The following UNC13C variants were observed in gnomAD, a reference collection of about 807,000 sequenced individuals.
UNC13C encodes the protein unc-13 homolog C.
Under a neutral mutation model 245.4 loss-of-function variants are expected in UNC13C, and 174 were observed. That is an observed-to-expected ratio of 0.71 (90% CI 0.63 to 0.80). The LOEUF (loss-of-function observed/expected upper bound fraction) is 0.80. Ranked by LOEUF, UNC13C falls within the 30% of genes least tolerant of loss-of-function variation. The pLI, the probability that UNC13C is intolerant of heterozygous loss-of-function variation, is 0.00. For synonymous variants in UNC13C, 992 were observed against 895.1 expected (o/e 1.11, Z -1.93); for missense variants, 2,829 against 2,602.9 (o/e 1.09, Z -1.89).
chr15:54,548,152 A>G (rs1896568720), intron 27 of UNC13C, among the ~76,000 whole-genome samples: 1 of 139,774 alleles, frequency 7.2e-6, no homozygotes, highest in Non-Finnish European at 1.5e-5. Flanking sequence ...TTGCGTGAGC[A>G]TTGTCTCAGC....
chr15:54,064,685 G>A (rs1355295006), intron 2 of UNC13C, among the ~76,000 whole-genome samples: 6 of 152,156 alleles, frequency 3.9e-5, no homozygotes, highest in Non-Finnish European at 8.8e-5. Flanking sequence ...CAATCTATCA[G>A]CAGGAACCAC....
At chr15:54,236,018 T>TA (rs11465193) in intron 5 of UNC13C, among the ~76,000 whole-genome samples, 60,176 of 146,648 alleles carry the variant, frequency 0.41, 12,299 homozygotes, top group South Asian at 0.44. Flanking sequence ...CATTAGATTG[T>TA]AAAAAAAAAA....
chr15:53,875,674 T>C, the UNC13C span, among the ~76,000 whole-genome samples: 3 of 152,328 alleles, frequency 2.0e-5, no homozygotes, highest in East Asian at 5.8e-4. Flanking sequence ...AAGAAATTAA[T>C]GCTCCCTTTG....
At chr15:54,615,804 GACAATCTAACCAATTCTGTGGATTCCA>G (rs1900394654) in intron 30 of UNC13C, among the ~76,000 whole-genome samples, 1 of 151,946 alleles carries the variant, frequency 6.6e-6, no homozygotes, top group South Asian at 2.1e-4. Context: ...TCTCTTGTTT[GACAATCTAACCAATTCTGTGGATTCCA>G]AAAGACAAGC....
At chr15:54,603,557 G>A (rs1899572621) in intron 30 of UNC13C, among the ~76,000 whole-genome samples, 2 of 152,044 alleles carry the variant, frequency 1.3e-5, no homozygotes, top group Non-Finnish European at 2.9e-5. Flanking sequence ...ATTCACATGT[G>A]GATAGGAAAA....
chr15:53,877,330 A>T, the UNC13C span, among the ~76,000 whole-genome samples: 2 of 152,080 alleles, frequency 1.3e-5, no homozygotes, highest in Non-Finnish European at 2.9e-5. Context: ...CCAGCCCTTC[A>T]ATGCCATGTT....
intron 4 of UNC13C, among the ~76,000 whole-genome samples, chr15:54,213,126 T>C (rs1467330345): frequency 6.6e-6 from 1 of 152,064 alleles, no homozygotes; most frequent in African/African-American, 2.4e-5. Flanking sequence ...AATGTGTGTC[T>C]ATATGCTTGT....
At chr15:54,114,713 A>C (rs754510671) in intron 2 of UNC13C, among the ~76,000 whole-genome samples, 4 of 152,162 alleles carry the variant, frequency 2.6e-5, no homozygotes, top group Non-Finnish European at 5.9e-5. Flanking sequence ...CTAGAGGAAG[A>C]ATTTTGGGGC....
upstream of UNC13C, among the ~76,000 whole-genome samples, chr15:53,977,428 CAT>C (rs1313119569): frequency 6.6e-6 from 1 of 152,154 alleles, no homozygotes; most frequent in Non-Finnish European, 1.5e-5. Context: ...TCAGTCAAGA[CAT>C]ATTCATCCCT....
At chr15:53,845,230 C>T in the UNC13C span, among the ~76,000 whole-genome samples, 6 of 150,208 alleles carry the variant, frequency 4.0e-5, no homozygotes, top group African/African-American at 1.5e-4. Flanking sequence ...GAGGCTGAGG[C>T]AGGAGAATCA....
intron 19 of UNC13C, among the ~76,000 whole-genome samples, chr15:54,423,411 A>G (rs2040694042): frequency 6.6e-6 from 1 of 151,918 alleles, no homozygotes; most frequent in Admixed American, 6.6e-5. Context: ...TAAGTTTGCC[A>G]GTATAATACA....
intron 2 of UNC13C, among the ~76,000 whole-genome samples, chr15:54,038,124 A>ATAAATTTTTTTTTTTTTTTTTTT: frequency 2.2e-5 from 1 of 45,040 alleles, no homozygotes; most frequent in Admixed American, 5.0e-4. Context: ...ATATATATAT[A>ATAAATTTTTTTTTTTTTTTTTTT]TTTTTTTTTT....
intron 4 of UNC13C, among the ~76,000 whole-genome samples, chr15:54,185,225 G>C (rs144936614): frequency 0.036 from 5,433 of 152,026 alleles, 285 homozygotes; most frequent in East Asian, 0.11. Flanking sequence ...TAGGTTGCCT[G>C]TTCACTCTGA....
the UNC13C span, among the ~76,000 whole-genome samples, chr15:53,895,631 T>C: frequency 6.6e-6 from 1 of 152,212 alleles, no homozygotes; most frequent in Non-Finnish European, 1.5e-5. Flanking sequence ...ATTCTCCAGC[T>C]GTCTGTGAGA....
intron 1 of UNC13C, among the ~76,000 whole-genome samples, chr15:53,988,102 C>T (rs913423420): frequency 2.6e-5 from 4 of 151,962 alleles, no homozygotes; most frequent in African/African-American, 9.7e-5. Flanking sequence ...TCTGGCTTCT[C>T]TTCTATTTTC....
intron 14 of UNC13C, among the ~76,000 whole-genome samples, chr15:54,325,175 T>C (rs1178861370): frequency 6.6e-6 from 1 of 151,986 alleles, no homozygotes; most frequent in Non-Finnish European, 1.5e-5. Flanking sequence ...GGTTCAATAA[T>C]TGAGCAGTGC....
At chr15:53,901,406 T>G in the UNC13C span, among the ~76,000 whole-genome samples, 2 of 151,590 alleles carry the variant, frequency 1.3e-5, no homozygotes, top group African/African-American at 2.4e-5. Flanking sequence ...ATTTTTTTTT[T>G]GTAGAGATGG....
At chr15:54,234,001 C>T (rs2140824113) in intron 4 of UNC13C, among the ~76,000 whole-genome samples, 1 of 152,224 alleles carries the variant, frequency 6.6e-6, no homozygotes, top group Non-Finnish European at 1.5e-5. Context: ...TTCAATGTAT[C>T]AAACTCATTC....
chr15:54,334,605 G>C (rs1303390208), intron 16 of UNC13C, among the ~76,000 whole-genome samples: 2 of 151,986 alleles, frequency 1.3e-5, no homozygotes, highest in Non-Finnish European at 2.9e-5. Context: ...TAATAAAAGA[G>C]AGACACAAAG....
Sources: allele counts gnomAD v4.1 joint callset (sites outside exome capture counted in the v4.1 genomes callset), GRCh38; gene constraint gnomAD v4.1.1; transcripts MANE v1.5; gene names NCBI Gene and HGNC (gene_info 2026-07-23, HGNC 2026-07-21).